PHKB: variants seen among roughly 807,000 people sequenced by gnomAD.
The protein encoded by PHKB is phosphorylase kinase regulatory subunit beta, also known as phosphorylase b kinase regulatory subunit beta.
PHKB carries 122 observed loss-of-function variants against 152.1 expected under a neutral mutation model. That is an observed-to-expected ratio of 0.80 (90% CI 0.69 to 0.93). PHKB has a LOEUF of 0.93. PHKB is among the 40% of genes least tolerant of loss of function. The pLI, the probability that PHKB is intolerant of heterozygous loss-of-function variation, is 0.00. For missense variants in PHKB, 1,304 were observed against 1,328.4 expected (o/e 0.98, Z 0.29); for synonymous variants, 436 against 464.9 (o/e 0.94, Z 0.80).
Position 47,469,266 on chromosome 16 carries a change from ATGT to A in PHKB, c.76+7842_76+7844del, listed in dbSNP as rs542774810. Among the ~76,000 whole-genome samples, 8 of 152,274 alleles carry A rather than the reference ATGT, an allele frequency of 5.3e-5. No individual in the cohort carries two copies. The East Asian group carries it at 1.5e-3, about 29-fold the overall frequency. On this transcript the variant is annotated intron_variant, in intron 1 of 30. Coordinates refer to ENST00000323584, the MANE Select transcript of PHKB (RefSeq NM_000293.3). The stretch of plus-strand genomic sequence containing the variant: ...GTGTCATAATATGGTTATTATATAG[ATGT>A]TAGACTCGTACAACTAGGTTCAAAT...
intron 6 of PHKB, among the ~76,000 whole-genome samples, chr16:47,543,546 T>A (rs2151669878): frequency 6.6e-6 from 1 of 152,346 alleles, no homozygotes; most frequent in Middle Eastern, 3.4e-3. Flanking sequence ...CCTCTTTCTC[T>A]ATTGATTGGA....
intron 16 of PHKB, among the ~76,000 whole-genome samples, chr16:47,644,409 C>T (rs969449604): frequency 2.0e-5 from 3 of 152,164 alleles, no homozygotes; most frequent in African/African-American, 7.2e-5. Context: ...ACAGTGCCAA[C>T]TTGGGCTGCT....
intron 6 of PHKB, among the ~76,000 whole-genome samples, chr16:47,532,023 A>G (rs978346847): frequency 2.0e-5 from 3 of 152,252 alleles, no homozygotes; most frequent in African/African-American, 7.2e-5. Flanking sequence ...ATCTGACACA[A>G]GATATGTATC....
chr16:47,699,632 A>G lies in PHKB; in HGVS notation c.*266A>G, dbSNP rs1974214433. On this transcript the variant is annotated 3_prime_UTR_variant, in exon 31 of 31. Coordinates refer to ENST00000323584, the MANE Select transcript of PHKB (RefSeq NM_000293.3). ...ACTGAGTGATAAAAATAGTTTATGA[A>G]TTGAAAATTTGCCGCTGCATGTTGT... 1 of 482,808 alleles carries G rather than the reference A, an allele frequency of 2.1e-6. No homozygotes were observed. The highest frequency in any genetic ancestry group is 2.2e-5 in the South Asian group (1 of 44,978). The allele number at this position is 482,808 out of a possible 1,614,324, so 29.9% of individuals were successfully genotyped here.
At chr16:47,526,421 A>AG (rs2151658659) in intron 6 of PHKB, among the ~76,000 whole-genome samples, 1 of 152,104 alleles carries the variant, frequency 6.6e-6, no homozygotes, top group East Asian at 1.9e-4. Flanking sequence ...AAAAAAAAAA[A>AG]ATTATTCACC....
chr16:47,541,539 A>G (rs1971059595), intron 6 of PHKB, among the ~76,000 whole-genome samples: 1 of 152,214 alleles, frequency 6.6e-6, no homozygotes, highest in Non-Finnish European at 1.5e-5. Context: ...GTCAAATGGT[A>G]TTTCTAGTTC....
intron 8 of PHKB, among the ~76,000 whole-genome samples, chr16:47,582,986 G>A (rs1447760248): frequency 6.6e-6 from 1 of 152,096 alleles, no homozygotes; most frequent in Non-Finnish European, 1.5e-5. Context: ...TAATAGAGGT[G>A]GGGTTTCACC....
At chr16:47,514,662 T>A (rs577313469) in intron 5 of PHKB, among the ~76,000 whole-genome samples, 1 of 152,170 alleles carries the variant, frequency 6.6e-6, no homozygotes, top group Non-Finnish European at 1.5e-5. Flanking sequence ...CCAGAAATAA[T>A]GCTTTGCCAG....
chr16:47,496,181 A>T (rs1481525323), intron 1 of PHKB, among the ~76,000 whole-genome samples: 1 of 150,042 alleles, frequency 6.7e-6, no homozygotes, highest in African/African-American at 2.5e-5. Context: ...ATGTTCTTAG[A>T]CTATATGGTA....
intron 8 of PHKB, among the ~76,000 whole-genome samples, chr16:47,585,997 C>G (rs903774699): frequency 2.6e-5 from 4 of 152,134 alleles, no homozygotes; most frequent in Non-Finnish European, 5.9e-5. Context: ...TTCATAGGCT[C>G]CTAACATATT....
chr16:47,674,966 C>T (rs1205473835), intron 26 of PHKB, among the ~76,000 whole-genome samples: 1 of 152,154 alleles, frequency 6.6e-6, no homozygotes, highest in Non-Finnish European at 1.5e-5. Flanking sequence ...AATTTTATTC[C>T]CATTTCTGCC....
intron 13 of PHKB, among the ~76,000 whole-genome samples, chr16:47,601,327 A>C (rs1014518401): frequency 1.3e-5 from 2 of 152,216 alleles, no homozygotes; most frequent in Non-Finnish European, 1.5e-5. Context: ...TTAGATAACC[A>C]TTATAAAGGC....
intron 28 of PHKB, among the ~76,000 whole-genome samples, 169 bp from the exon 29 acceptor site, chr16:47,696,212 G>A (rs1453653394): frequency 6.6e-6 from 1 of 152,174 alleles, no homozygotes; most frequent in Non-Finnish European, 1.5e-5. Flanking sequence ...TAGTCAGCTG[G>A]TTGGCTTTAG....
At chr16:47,548,826 T>G (rs1182189667) in intron 7 of PHKB, among the ~76,000 whole-genome samples, 2 of 152,180 alleles carry the variant, frequency 1.3e-5, no homozygotes, top group Non-Finnish European at 2.9e-5. Context: ...AGATAATAAT[T>G]TCTACTTTAT....
intron 2 of PHKB, among the ~76,000 whole-genome samples, chr16:47,498,602 T>C (rs1359735368): frequency 6.6e-6 from 1 of 152,160 alleles, no homozygotes; most frequent in African/African-American, 2.4e-5. Flanking sequence ...AAAACTATCC[T>C]AAAAAGTAGA....
At position 47,662,862 on chromosome 16, in the gene PHKB, G is replaced by GT. The variant is rs1407498147; in HGVS notation, c.2279-808dup. On this transcript the variant is annotated intron_variant, in intron 23 of 30. Coordinates refer to ENST00000323584, the MANE Select transcript of PHKB (RefSeq NM_000293.3). ...TAGAAACCTAGAATTCAGAATGGCTGTTTTTTTAATTTAAAAGTTTTAGTG... is the reference window on the plus strand; with the variant it reads ...TAGAAACCTAGAATTCAGAATGGCTGTTTTTTTTAATTTAAAAGTTTTAGTG... Among the ~76,000 whole-genome samples, 3 of 151,822 alleles carry GT rather than the reference G, an allele frequency of 2.0e-5. No homozygotes were observed. The East Asian group carries it at 5.8e-4, about 29-fold the overall frequency.
intron 26 of PHKB, among the ~76,000 whole-genome samples, chr16:47,678,864 G>A (rs1264158599): frequency 2.0e-5 from 3 of 152,160 alleles, no homozygotes; most frequent in African/African-American, 4.8e-5. Context: ...GTCCTGAATG[G>A]TATTGCCTAG....
chr16:47,461,316 C>T (rs1336403919), upstream of PHKB: 3 of 1,545,452 alleles, frequency 1.9e-6, no homozygotes, highest in Non-Finnish European at 2.7e-6. Context: ...ACAGGCGGCC[C>T]CGGGGGCGGT....
chr16:47,640,953 A>G, intron 14 of PHKB, 82 bp from the exon 15 acceptor site: 1 of 1,259,906 alleles, frequency 7.9e-7, no homozygotes, highest in Non-Finnish European at 1.2e-6. Context: ...AGAGATGGTT[A>G]ATATTGTCCT....
Sources: gnomAD v4.1 joint callset for allele counts (sites outside exome capture counted in the v4.1 genomes callset) on GRCh38, gnomAD v4.1.1 for gene constraint, MANE v1.5 for transcripts, NCBI Gene and HGNC (gene_info 2026-07-23, HGNC 2026-07-21) for gene names.